ADNP2: variants seen among roughly 807,000 people sequenced by gnomAD.
The protein encoded by ADNP2 is activity-dependent neuroprotector homeobox protein 2.
A neutral mutation model predicts 16.4 loss-of-function variants in ADNP2; 8 were observed. The ratio of observed to expected loss-of-function variants is 0.49; its 90% CI spans 0.29 to 0.88. The LOEUF is 0.88. Ranked by LOEUF, ADNP2 falls within the 40% of genes least tolerant of loss-of-function variation. The pLI, the probability that ADNP2 is intolerant of heterozygous loss-of-function variation, is 0.09. For synonymous variants in ADNP2, 637 were observed against 545.8 expected, an observed-to-expected ratio of 1.17 and a Z score of -2.33; for missense variants, 1,397 against 1,395.1, an observed-to-expected ratio of 1.00 and a Z score of -0.02.
chr18:80,132,630 TTCTC>T (rs1242636967), intron 2 of ADNP2, among the ~76,000 whole-genome samples: 17 of 151,754 alleles, frequency 1.1e-4, no homozygotes, highest in African/African-American at 1.2e-4. Context: ...TTTTTTCTCT[TTCTC>T]TCTTTTTTTC....
chr18:80,124,928 A>G (rs2052448525), intron 2 of ADNP2, among the ~76,000 whole-genome samples: 1 of 152,210 alleles, frequency 6.6e-6, no homozygotes, highest in Non-Finnish European at 1.5e-5. Context: ...CAAAAATTTC[A>G]TAATATATAG....
chr18:80,133,052 T>G lies in ADNP2; in HGVS notation c.109-51T>G, dbSNP rs371673844. The stretch of plus-strand genomic sequence containing the variant: ...TCTCATCAGGTTCTAATTAAATATT[T>G]CTTTATCTTCTGAATTTACATAATC... On this transcript the variant is annotated intron_variant, in intron 2 of 3. Transcript: ENST00000262198. 1.2e-5 allele frequency: 15 copies of G among 1,286,928 alleles called. No individual in the cohort carries two copies. The African/African-American group carries it at 2.2e-4, about 19-fold the overall frequency. The allele number at this position is 1,286,928 out of a possible 1,614,324, so 79.7% of individuals were successfully genotyped here.
At chr18:80,134,031 G>T (rs1187861921) in intron 3 of ADNP2, among the ~76,000 whole-genome samples, 1 of 151,958 alleles carries the variant, frequency 6.6e-6, no homozygotes, top group Non-Finnish European at 1.5e-5. Context: ...GTAGAGGTTT[G>T]TTGAGACCCA....
intron 1 of ADNP2, among the ~76,000 whole-genome samples, chr18:80,110,766 C>G (rs1398695035): frequency 6.6e-6 from 1 of 152,106 alleles, no homozygotes; most frequent in African/African-American, 2.4e-5. Flanking sequence ...CAGCATTGAG[C>G]CCGTCGTCCT....
intron 2 of ADNP2, among the ~76,000 whole-genome samples, chr18:80,123,883 C>T (rs538170954): frequency 1.3e-5 from 2 of 152,126 alleles, no homozygotes. Flanking sequence ...GCGTGCATCA[C>T]CATGCCCAGC....
In ADNP2 at chr18:80,138,296, G is replaced by C. The variant is rs1292426000; in HGVS notation, c.2883G>C (p.Leu961=). Residue 961 remains leucine (L), a synonymous_variant, in exon 4 of 4, where the codon CTG becomes CTC. Transcript: ENST00000262198. ...CGGGTTTTATTCACAACAGTGAACT[G>C]CTTTTAGTCAGTGGTGAAGTGATGC... The part of the protein sequence containing the change: ...AQPGFIHNSE[L]LLVSGEVMHD... The C allele has an allele frequency of 1.2e-6, 2 of 1,614,002 alleles. No homozygotes were observed. The highest frequency in any genetic ancestry group is 8.5e-7 in the Non-Finnish European group (1 of 1,180,040).
At chr18:80,124,206 C>T (rs996545659) in intron 2 of ADNP2, among the ~76,000 whole-genome samples, 5 of 152,124 alleles carry the variant, frequency 3.3e-5, no homozygotes, top group African/African-American at 1.2e-4. Context: ...TCCATTACAT[C>T]AAGTTAATTT....
intron 2 of ADNP2, among the ~76,000 whole-genome samples, chr18:80,122,182 A>G (rs2052429458): frequency 6.6e-6 from 1 of 152,156 alleles, no homozygotes; most frequent in African/African-American, 2.4e-5. Flanking sequence ...AGCCTCCCGA[A>G]GTGCTGGGAT....
chr18:80,125,737 G>A (rs998966534), intron 2 of ADNP2, among the ~76,000 whole-genome samples: 6 of 152,178 alleles, frequency 3.9e-5, no homozygotes, highest in Admixed American at 1.3e-4. Context: ...CTTGAGCCCA[G>A]GAGTTCAAGG....
intron 1 of ADNP2, among the ~76,000 whole-genome samples, chr18:80,112,168 A>G (rs1034605540): frequency 2.6e-5 from 4 of 152,242 alleles, no homozygotes; most frequent in African/African-American, 9.6e-5. Context: ...GAGGATCTAT[A>G]AATATGAAAA....
Position 80,137,100 on chromosome 18 carries a change from G to A in ADNP2, c.1687G>A (p.Gly563Arg). The A allele has an allele frequency of 1.2e-6, 2 of 1,614,182 alleles. No homozygotes were observed. Among genetic ancestry groups the A allele is most frequent in the Non-Finnish European group, 1.7e-6 (2 of 1,180,032 alleles). ...VLPVGQPVRP[G>R]VLQLNQTVGT... ...TCCTGTGGGCCAGCCAGTGAGGCCTGGGGTCTTGCAACTCAACCAGACTGT... is the reference window on the plus strand; with the variant it reads ...TCCTGTGGGCCAGCCAGTGAGGCCTAGGGTCTTGCAACTCAACCAGACTGT... Residue 563 changes from glycine to arginine, a missense_variant, in exon 4 of 4, where the codon GGG becomes AGG. By Grantham distance (125) the Gly-to-Arg change is moderately radical (BLOSUM62 -2). This residue lies in a region of ADNP2 where 777 missense variants were observed against 719.4 expected (regional missense o/e 1.08). Transcript: ENST00000262198. The surrounding 1 kb of genome is among the most constrained non-coding windows in gnomAD (Gnocchi z 4.2).
chr18:80,136,022 T>C lies in ADNP2; in HGVS notation c.609T>C (p.Thr203=). The C allele has an allele frequency of 1.9e-6, 3 of 1,614,230 alleles. No homozygotes were observed. Among genetic ancestry groups the C allele is most frequent in the Non-Finnish European group, 2.5e-6 (3 of 1,180,046 alleles). Residue 203 remains threonine, a synonymous_variant, in exon 4 of 4, where the codon ACT becomes ACC. Transcript: ENST00000262198. ...EMGEQPKTND[T]VSIEKIPPPD... ...GTGAGCAACCGAAAACTAACGATAC[T>C]GTTTCTATAGAGAAGATCCCACCAC...
At chr18:80,123,753 A>G (rs200356872) in intron 2 of ADNP2, among the ~76,000 whole-genome samples, 1 of 147,018 alleles carries the variant, frequency 6.8e-6, no homozygotes, top group Non-Finnish European at 1.5e-5. Context: ...TTTTGGAGAC[A>G]GAGTCTCGCT....
chr18:80,137,619 G>A lies in ADNP2; in HGVS notation c.2206G>A (p.Ala736Thr). Residue 736 changes from alanine to threonine, a missense_variant, in exon 4 of 4, where the codon GCA becomes ACA. Physicochemically the swap from Ala to Thr is moderately conservative, Grantham distance 58. Coordinates refer to ENST00000262198, the MANE Select transcript of ADNP2 (RefSeq NM_014913.4). The surrounding 1 kb of genome is among the most constrained non-coding windows in gnomAD (Gnocchi z 4.2). ...KLEPEKLAAC[A>T]PFLKWMREKT... Reference sequence around the variant, plus strand: ...TGAGCCTGAAAAACTGGCAGCGTGTGCACCATTTCTAAAGTGGATGAGAGA... The same window carrying A: ...TGAGCCTGAAAAACTGGCAGCGTGTACACCATTTCTAAAGTGGATGAGAGA... The A allele has an allele frequency of 1.2e-6, 2 of 1,614,204 alleles. No individual in the cohort carries two copies. Among genetic ancestry groups the A allele is most frequent in the Non-Finnish European group, 1.7e-6 (2 of 1,180,036 alleles).
intron 2 of ADNP2, among the ~76,000 whole-genome samples, chr18:80,123,989 C>G (rs1019230343): frequency 7.2e-5 from 11 of 152,310 alleles, no homozygotes; most frequent in Non-Finnish European, 1.0e-4. Context: ...CTCGGTGTCC[C>G]AAAGAGCTGG....
chr18:80,129,940 T>C (rs1367591362), intron 2 of ADNP2, among the ~76,000 whole-genome samples: 1 of 152,234 alleles, frequency 6.6e-6, no homozygotes, highest in Non-Finnish European at 1.5e-5. Context: ...TGGGACTGTT[T>C]GGTTTCTCTG....
chr18:80,115,591 C>G (rs1054579281), intron 1 of ADNP2, among the ~76,000 whole-genome samples: 4 of 152,124 alleles, frequency 2.6e-5, no homozygotes, highest in African/African-American at 9.7e-5. Context: ...AATTTTGTGC[C>G]TTTTTAGATA....
rs1428838345 is a variant in ADNP2 at position 80,113,166 on chromosome 18, G to A, written c.-14+3694G>A. 5.3e-5 allele frequency among the ~76,000 whole-genome samples: 8 copies of A among 152,216 alleles called. No homozygotes were observed. In the East Asian group the frequency reaches 1.2e-3, roughly 22 times the overall value. On this transcript the variant is annotated intron_variant, in intron 1 of 3. Transcript: ENST00000262198. ...CTTTTGAAGGCTAGAACCCAAATCAGTGCATTTTATTAAAGAAAATTTTTA... is the reference window on the plus strand; with the variant it reads ...CTTTTGAAGGCTAGAACCCAAATCAATGCATTTTATTAAAGAAAATTTTTA...
chr18:80,121,030 C>T (rs897621913), intron 2 of ADNP2, among the ~76,000 whole-genome samples: 6 of 152,158 alleles, frequency 3.9e-5, no homozygotes, highest in African/African-American at 1.4e-4. Context: ...TATAGTTATT[C>T]TGTTTACTTT....
Sources: allele counts gnomAD v4.1 joint callset (sites outside exome capture counted in the v4.1 genomes callset), GRCh38; gene constraint gnomAD v4.1.1; regional missense constraint gnomAD v4.1.1; non-coding constraint Gnocchi (gnomAD v3.1); transcripts MANE v1.5; gene names NCBI Gene and HGNC (gene_info 2026-07-23, HGNC 2026-07-21).